The following RBFOX1 variants were observed in gnomAD, a reference collection of about 807,000 sequenced individuals.
RBFOX1 encodes the protein RNA binding fox-1 homolog 1.
Under a neutral mutation model 57.7 loss-of-function variants are expected in RBFOX1, and 8 were observed. That is an observed-to-expected ratio of 0.14 (90% CI 0.08 to 0.25). The LOEUF is 0.25. Among genes scored for constraint, RBFOX1 ranks in the 10% least tolerant of loss-of-function variants. The pLI, the probability that RBFOX1 is intolerant of heterozygous loss-of-function variation, is 1.00. For missense variants in RBFOX1, 611 were observed against 548.5 expected, an observed-to-expected ratio of 1.11 and a Z score of -1.14; for synonymous variants, 326 against 222.4, an observed-to-expected ratio of 1.47 and a Z score of -4.15.
chr16:7,393,447 T>C (rs567074206), intron 4 of RBFOX1, among the ~76,000 whole-genome samples: 1 of 152,272 alleles, frequency 6.6e-6, no homozygotes, highest in East Asian at 1.9e-4. Flanking sequence ...AGGAGCACAC[T>C]TTTTATATAG....
chr16:6,817,576 C>T (rs1364569929), intron 3 of RBFOX1, among the ~76,000 whole-genome samples: 1 of 150,058 alleles, frequency 6.7e-6, no homozygotes, highest in African/African-American at 2.5e-5. Flanking sequence ...TTTGGTGGCG[C>T]ATGCGTGTAA....
At chr16:7,658,526 T>G (rs2066891310) in intron 12 of RBFOX1, among the ~76,000 whole-genome samples, 1 of 152,122 alleles carries the variant, frequency 6.6e-6, no homozygotes, top group South Asian at 2.1e-4. Context: ...TAATTGCTGT[T>G]CAGGGAGCTC....
chr16:6,537,094 C>T (rs1000866378), intron 2 of RBFOX1, among the ~76,000 whole-genome samples: 3 of 152,094 alleles, frequency 2.0e-5, no homozygotes, highest in Non-Finnish European at 2.9e-5. Context: ...ATGAATTTTC[C>T]TTCCAGCGTT....
chr16:5,602,658 G>A (rs546792503), downstream of RBFOX1, among the ~76,000 whole-genome samples: 42 of 152,206 alleles, frequency 2.8e-4, no homozygotes, highest in African/African-American at 9.9e-4. Context: ...TAAATTACTG[G>A]TTTTTGCATT....
chr16:7,426,437 A>C (rs944077971), intron 4 of RBFOX1, among the ~76,000 whole-genome samples: 1 of 152,172 alleles, frequency 6.6e-6, no homozygotes. Flanking sequence ...CTCTGAATGC[A>C]TTAGCCCAGC....
At chr16:6,690,369 G>A (rs2060029718) in intron 3 of RBFOX1, among the ~76,000 whole-genome samples, 1 of 151,906 alleles carries the variant, frequency 6.6e-6, no homozygotes, top group Non-Finnish European at 1.5e-5. Flanking sequence ...ATAATTCACA[G>A]ATCCATTCGT....
intron 4 of RBFOX1, among the ~76,000 whole-genome samples, chr16:7,407,944 C>A (rs73550801): frequency 0.11 from 16,175 of 152,160 alleles, 1,085 homozygotes; most frequent in East Asian, 0.27. Context: ...GCTTTTGGGC[C>A]GCAATGGCAG....
intron 11 of RBFOX1, among the ~76,000 whole-genome samples, chr16:7,644,917 T>C (rs1001038414): frequency 1.3e-5 from 2 of 152,128 alleles, no homozygotes; most frequent in Non-Finnish European, 2.9e-5. Flanking sequence ...AGTTCACTGT[T>C]AGAGCCTGGA....
At chr16:7,489,420 T>C (rs2066323373) in intron 4 of RBFOX1, among the ~76,000 whole-genome samples, 2 of 152,212 alleles carry the variant, frequency 1.3e-5, no homozygotes, top group Admixed American at 6.5e-5. Context: ...ATTAATCCCA[T>C]TTAATCTTCA....
At chr16:6,177,742 C>T (rs1024153495) in intron 1 of RBFOX1, among the ~76,000 whole-genome samples, 4 of 152,034 alleles carry the variant, frequency 2.6e-5, no homozygotes, top group African/African-American at 4.8e-5. Flanking sequence ...GTTAGAATTA[C>T]GAATGAGTAC....
chr16:5,422,973 G>C (rs1257469943), intron 1 of RBFOX1, among the ~76,000 whole-genome samples: 1 of 123,584 alleles, frequency 8.1e-6, no homozygotes, highest in African/African-American at 3.0e-5. Context: ...AGGAGGGAGA[G>C]GGAGGAGTGG....
chr16:5,458,866 T>G (rs2068708165), intron 1 of RBFOX1, among the ~76,000 whole-genome samples: 1 of 152,212 alleles, frequency 6.6e-6, no homozygotes, highest in Non-Finnish European at 1.5e-5. Flanking sequence ...GGGGATATAG[T>G]AGAGAACAAG....
Position 6,041,889 on chromosome 16 carries a change from C to T in RBFOX1, c.-127+21897C>T, listed in dbSNP as rs2095440105. Among the ~76,000 whole-genome samples the T allele has an allele frequency of 2.0e-5, 3 of 152,230 alleles. No individual in the cohort carries two copies. The South Asian group carries it at 6.2e-4, about 32-fold the overall frequency. ...TTTCCTGTTTTAAAGTTCTATAGCTCAGGAACCCAGTGTGTTCTCACTTGC... is the reference window on the plus strand; with the variant it reads ...TTTCCTGTTTTAAAGTTCTATAGCTTAGGAACCCAGTGTGTTCTCACTTGC... On this transcript the variant is annotated intron_variant, in intron 1 of 15. Transcript: ENST00000550418.
intron 2 of RBFOX1, among the ~76,000 whole-genome samples, chr16:6,539,808 C>G (rs1156946967): frequency 7.4e-6 from 1 of 135,760 alleles, no homozygotes; most frequent in Non-Finnish European, 1.5e-5. Flanking sequence ...AAAACACAGA[C>G]ACACACACAC....
intron 3 of RBFOX1, among the ~76,000 whole-genome samples, chr16:7,012,651 C>G (rs1166730587): frequency 1.3e-5 from 2 of 152,254 alleles, no homozygotes; most frequent in East Asian, 3.9e-4. Context: ...ACAGACCTTT[C>G]TTTATTATGG....
intron 1 of RBFOX1, chr16:5,365,841 A>G: frequency 1.9e-6 from 1 of 517,630 alleles, no homozygotes; most frequent in Non-Finnish European, 3.8e-6. Flanking sequence ...GAGGCCCCAG[A>G]ACTGTCTTTT....
At chr16:7,337,299 G>A (rs2096807439) in intron 4 of RBFOX1, among the ~76,000 whole-genome samples, 1 of 152,194 alleles carries the variant, frequency 6.6e-6, no homozygotes, top group African/African-American at 2.4e-5. Context: ...AAGTAACCCA[G>A]TGCCTCTTAG....
chr16:6,453,970 G>T (rs1332284014), intron 2 of RBFOX1, among the ~76,000 whole-genome samples: 1 of 152,184 alleles, frequency 6.6e-6, no homozygotes, highest in African/African-American at 2.4e-5. Flanking sequence ...CAAATCCAAG[G>T]CGTTGGCATG....
Position 5,788,639 on chromosome 16 carries a change from T to C in RBFOX1, c.319-78664T>C, listed in dbSNP as rs568658001. 5.3e-5 allele frequency among the ~76,000 whole-genome samples: 8 copies of C among 152,130 alleles called. No individual in the cohort carries two copies. In the South Asian group the frequency reaches 1.5e-3, roughly 28 times the overall value. ...GCGAGACTTAGTCTCAATAAATAAA[T>C]GATAAATAAACAAACTTGTGCTCTT... is the stretch of plus-strand genomic sequence containing the variant. On this transcript the variant is annotated intron_variant, in intron 3 of 19. Coordinates refer to the RBFOX1 transcript ENST00000641259.
Sources: allele counts gnomAD v4.1 joint callset (sites outside exome capture counted in the v4.1 genomes callset), GRCh38; gene constraint gnomAD v4.1.1; transcripts MANE v1.5; gene names NCBI Gene and HGNC (gene_info 2026-07-23, HGNC 2026-07-21).